Variants in CFAP299 observed in about 807,000 individuals in gnomAD.
The protein encoded by CFAP299 is cilia- and flagella-associated protein 299.
Under a neutral mutation model 27.0 loss-of-function variants are expected in CFAP299, and 21 were observed. The observed-to-expected ratio is 0.78, with a 90% confidence interval of 0.55 to 1.12. CFAP299 has a LOEUF of 1.12. CFAP299 is among the 50% of genes most tolerant of loss of function. CFAP299 has a pLI of 0.00. For missense variants in CFAP299, 310 were observed against 276.6 expected (o/e 1.12, Z -0.86); for synonymous variants, 104 against 98.1 (o/e 1.06, Z -0.36).
At chr4:80,428,124 GT>G (rs1338553027) in intron 2 of CFAP299, among the ~76,000 whole-genome samples, 1 of 152,172 alleles carries the variant, frequency 6.6e-6, no homozygotes, top group African/African-American at 2.4e-5. Context: ...TTTTGGCAGA[GT>G]TTGTAGAGTG....
At chr4:80,902,131 C>G (rs1333317344) in intron 4 of CFAP299, among the ~76,000 whole-genome samples, 4 of 151,806 alleles carry the variant, frequency 2.6e-5, no homozygotes, top group Non-Finnish European at 2.9e-5. Flanking sequence ...TCTGAAGTTA[C>G]ATTTCTTCTA....
intron 2 of CFAP299, among the ~76,000 whole-genome samples, chr4:80,494,067 G>A (rs1001456998): frequency 3.9e-5 from 6 of 152,074 alleles, no homozygotes; most frequent in South Asian, 2.1e-4. Context: ...GAGCCACCGC[G>A]CCTGGCCTCT....
chr4:80,525,525 A>T (rs1422694176), intron 2 of CFAP299, among the ~76,000 whole-genome samples: 1 of 152,174 alleles, frequency 6.6e-6, no homozygotes, highest in East Asian at 1.9e-4. Flanking sequence ...TTTCTTTGAA[A>T]TGAAAAATAT....
At chr4:80,493,837 G>C in intron 2 of CFAP299, among the ~76,000 whole-genome samples, 1 of 127,468 alleles carries the variant, frequency 7.8e-6, no homozygotes, top group African/African-American at 3.3e-5. Flanking sequence ...CTGCAGTGGC[G>C]CAATCTCGGC....
intron 2 of CFAP299, among the ~76,000 whole-genome samples, chr4:80,449,707 C>A (rs1162211619): frequency 6.6e-6 from 1 of 151,566 alleles, no homozygotes; most frequent in African/African-American, 2.4e-5. Flanking sequence ...TAATTAATTT[C>A]TGAATTTTTT....
At chr4:80,585,657 G>A (rs1447271213) in intron 3 of CFAP299, among the ~76,000 whole-genome samples, 4 of 152,072 alleles carry the variant, frequency 2.6e-5, no homozygotes, top group African/African-American at 9.7e-5. Context: ...TTAAAATAAT[G>A]TATACAAATG....
chr4:80,843,405 T>C (rs1218432746), intron 3 of CFAP299, among the ~76,000 whole-genome samples: 1 of 152,154 alleles, frequency 6.6e-6, no homozygotes, highest in African/African-American at 2.4e-5. Flanking sequence ...ACAAAGGACA[T>C]GAACTCATCC....
chr4:80,937,308 C>CTTTTTTTTTTTTTTTTTTTTTTT (rs1736948672), intron 4 of CFAP299, among the ~76,000 whole-genome samples: 2 of 90,820 alleles, frequency 2.2e-5, no homozygotes, highest in African/African-American at 5.1e-5. Context: ...CTTTTTTTTT[C>CTTTTTTTTTTTTTTTTTTTTTTT]TTTCTTTTTT....
intron 2 of CFAP299, among the ~76,000 whole-genome samples, chr4:80,487,398 C>A (rs1266835385): frequency 1.3e-5 from 2 of 152,142 alleles, no homozygotes; most frequent in Admixed American, 1.3e-4. Flanking sequence ...TTAGACAAGA[C>A]TGAGGAGCAG....
chr4:80,690,915 C>G (rs1022875824), intron 3 of CFAP299, among the ~76,000 whole-genome samples: 2 of 148,948 alleles, frequency 1.3e-5, no homozygotes, highest in Non-Finnish European at 3.0e-5. Context: ...CTACAAACAC[C>G]TCTATGCAAA....
intron 3 of CFAP299, among the ~76,000 whole-genome samples, chr4:80,674,542 A>T (rs995526530): frequency 6.6e-6 from 1 of 152,004 alleles, no homozygotes; most frequent in African/African-American, 2.4e-5. Flanking sequence ...GGTGTTCTCC[A>T]TATTTCCTGA....
intron 2 of CFAP299, among the ~76,000 whole-genome samples, chr4:80,371,652 T>A (rs147903754): frequency 6.6e-6 from 1 of 152,052 alleles, no homozygotes; most frequent in Non-Finnish European, 1.5e-5. Flanking sequence ...GTTCCACAGA[T>A]CCCTAGAGCC....
At chr4:80,504,799 G>A (rs984596666) in intron 2 of CFAP299, among the ~76,000 whole-genome samples, 1 of 147,620 alleles carries the variant, frequency 6.8e-6, no homozygotes, top group African/African-American at 2.5e-5. Flanking sequence ...GACCCAGAGT[G>A]AAGTGGAAGA....
intron 1 of CFAP299, among the ~76,000 whole-genome samples, chr4:80,362,349 T>A (rs1723590664): frequency 6.6e-6 from 1 of 151,980 alleles, no homozygotes; most frequent in African/African-American, 2.4e-5. Flanking sequence ...GTTCTTTTTT[T>A]TTTTTGCCAT....
chr4:80,732,195 T>C (rs1486751460), intron 3 of CFAP299, among the ~76,000 whole-genome samples: 1 of 152,116 alleles, frequency 6.6e-6, no homozygotes, highest in African/African-American at 2.4e-5. Context: ...AAGGAAGTGA[T>C]TCAGTTTCAT....
intron 3 of CFAP299, among the ~76,000 whole-genome samples, chr4:80,811,394 A>G (rs1371575091): frequency 6.6e-6 from 1 of 152,176 alleles, no homozygotes; most frequent in Non-Finnish European, 1.5e-5. Context: ...AATTCATTAG[A>G]TGAAAGTGTT....
At chr4:80,437,939 T>C (rs1202164070) in intron 2 of CFAP299, among the ~76,000 whole-genome samples, 1 of 152,220 alleles carries the variant, frequency 6.6e-6, no homozygotes, top group Non-Finnish European at 1.5e-5. Context: ...TTCTTTGACC[T>C]TTTATTCTTT....
intron 3 of CFAP299, among the ~76,000 whole-genome samples, chr4:80,749,560 T>G (rs550888069): frequency 3.2e-4 from 48 of 152,228 alleles, no homozygotes; most frequent in African/African-American, 9.9e-4. Flanking sequence ...GTCCCAAAAC[T>G]TCAAAACTCA....
At chr4:80,924,010 G>A (rs968118575) in intron 4 of CFAP299, among the ~76,000 whole-genome samples, 3 of 151,966 alleles carry the variant, frequency 2.0e-5, no homozygotes, top group Admixed American at 1.3e-4. Context: ...ATTGATGAGA[G>A]TGAGTTTGCA....
Sources: allele counts gnomAD v4.1 joint callset (sites outside exome capture counted in the v4.1 genomes callset), GRCh38; gene constraint gnomAD v4.1.1; transcripts MANE v1.5; gene names NCBI Gene and HGNC (gene_info 2026-07-23, HGNC 2026-07-21).